Variants in C2CD3 observed in about 807,000 individuals in gnomAD.
The protein encoded by C2CD3 is C2 domain-containing protein 3.
C2CD3 carries 148 observed loss-of-function variants against 234.0 expected under a neutral mutation model. That is an observed-to-expected ratio of 0.63 (90% CI 0.55 to 0.72). C2CD3 has a LOEUF of 0.72. Among genes scored for constraint, C2CD3 ranks in the 30% least tolerant of loss-of-function variants. The pLI, the probability that C2CD3 is intolerant of heterozygous loss-of-function variation, is 0.00. For synonymous variants in C2CD3, 1,000 were observed against 1,035.4 expected (o/e 0.97, Z 0.66); for missense variants, 2,577 against 2,811.5 (o/e 0.92, Z 1.89).
intron 3 of C2CD3, among the ~76,000 whole-genome samples, chr11:74,149,059 T>C (rs1209584010): frequency 1.3e-5 from 2 of 152,330 alleles, no homozygotes; most frequent in Admixed American, 6.5e-5. Context: ...CTGATTCCTG[T>C]GGTATTTACC....
intron 30 of C2CD3, among the ~76,000 whole-genome samples, chr11:74,035,313 G>A (rs1047361765): frequency 1.3e-4 from 20 of 152,236 alleles, no homozygotes; most frequent in African/African-American, 4.3e-4. Context: ...CCTTTGGCCT[G>A]AACATGCTTT....
chr11:74,148,403 A>G (rs1855359140), intron 3 of C2CD3, among the ~76,000 whole-genome samples: 2 of 151,602 alleles, frequency 1.3e-5, no homozygotes, highest in Admixed American at 1.3e-4. Context: ...AATATCTTAT[A>G]TATGTATATA....
At chr11:74,108,462 C>T (rs1278769156) in intron 12 of C2CD3, among the ~76,000 whole-genome samples, 1 of 152,114 alleles carries the variant, frequency 6.6e-6, no homozygotes, top group Non-Finnish European at 1.5e-5. Flanking sequence ...TTACATTATG[C>T]CAGCTGCAAG....
intron 32 of C2CD3, among the ~76,000 whole-genome samples, chr11:74,026,580 GC>G (rs1242877563): frequency 1.3e-5 from 2 of 152,182 alleles, no homozygotes; most frequent in Middle Eastern, 3.2e-3. Context: ...CATGTTAACT[GC>G]TAAGTAAAAT....
chr11:74,028,172 A>G, intron 32 of C2CD3, 115 bp downstream of exon 32: 4 of 719,978 alleles, frequency 5.6e-6, no homozygotes, highest in Non-Finnish European at 9.1e-6. Context: ...TTGAGGAGTG[A>G]CCCCTGCTGC....
intron 7 of C2CD3, among the ~76,000 whole-genome samples, chr11:74,127,880 T>G (rs887985885): frequency 1.8e-4 from 27 of 152,150 alleles, no homozygotes; most frequent in African/African-American, 5.8e-4. Context: ...TTTTTTTTTT[T>G]GAGACGGAGT....
intron 8 of C2CD3, among the ~76,000 whole-genome samples, chr11:74,121,909 G>A (rs943099780): frequency 2.6e-5 from 4 of 152,150 alleles, no homozygotes; most frequent in African/African-American, 9.7e-5. Context: ...TTCCACTGCA[G>A]GTACTCTCAT....
intron 3 of C2CD3, among the ~76,000 whole-genome samples, chr11:74,144,129 A>C (rs1854997582): frequency 6.6e-6 from 1 of 152,204 alleles, no homozygotes; most frequent in Non-Finnish European, 1.5e-5. Flanking sequence ...AAGAGACATT[A>C]ATTTCAAAAC....
At chr11:74,036,338 T>C (rs1487846088) in intron 30 of C2CD3, 3 of 416,476 alleles carry the variant, frequency 7.2e-6, no homozygotes, top group African/African-American at 6.2e-5. Context: ...GCCTGTCATA[T>C]CCACCACTGT....
chr11:74,028,978 T>C (rs939015803), intron 31 of C2CD3, among the ~76,000 whole-genome samples: 20 of 152,340 alleles, frequency 1.3e-4, no homozygotes, highest in African/African-American at 3.8e-4. Flanking sequence ...GCCTATTTTC[T>C]CTGCTCACAT....
At chr11:74,098,302 T>C (rs201878521) in intron 15 of C2CD3, 47 bp from the exon 16 acceptor site, 4 of 1,566,110 alleles carry the variant, frequency 2.6e-6, no homozygotes, top group Non-Finnish European at 2.6e-6. Context: ...GCATCAATCA[T>C]GTCATAGAGT....
chr11:74,033,527 A>G lies in C2CD3; in HGVS notation c.6633T>C (p.Asn2211=), dbSNP rs924695145. Residue 2211 remains asparagine, a synonymous_variant, in exon 31 of 33, where the codon AAT becomes AAC. Transcript: ENST00000334126. ...KEPKSEAPAE[N]EAATSELGDS... The stretch of plus-strand genomic sequence containing the variant: ...CACCGAGCTCACTGGTGGCAGCTTC[A>G]TTCTCAGCTGGGGCCTCTGACTTGG... 4 of 1,536,048 alleles carry G rather than the reference A, an allele frequency of 2.6e-6. No homozygotes were observed. The highest frequency in any genetic ancestry group is 2.6e-6 in the Non-Finnish European group (3 of 1,146,926).
In C2CD3 at chr11:74,114,370, T is replaced by G. The variant is rs780976251; in HGVS notation, c.1730+14A>C. ...AAAAATGTCAAATTTAGCTTTCTCA[T>G]GTTAGAGACATACCGCTTTTTTGCT... On this transcript the variant is annotated intron_variant, in intron 10 of 32. Transcript: ENST00000334126. 3.1e-6 allele frequency: 5 copies of G among 1,599,022 alleles called. No individual in the cohort carries two copies. In the South Asian group the frequency reaches 4.4e-5, roughly 14 times the overall value.
intron 24 of C2CD3, among the ~76,000 whole-genome samples, chr11:74,069,949 A>T (rs898572819): frequency 6.6e-6 from 1 of 152,190 alleles, no homozygotes; most frequent in African/African-American, 2.4e-5. Context: ...ATTACAACCC[A>T]ATAAGATAAA....
intron 24 of C2CD3, among the ~76,000 whole-genome samples, chr11:74,059,279 T>C (rs922315839): frequency 4.6e-5 from 7 of 151,518 alleles, no homozygotes; most frequent in African/African-American, 1.7e-4. Context: ...GGCGTGGTGG[T>C]GGCTGCCTGT....
intron 16 of C2CD3, among the ~76,000 whole-genome samples, chr11:74,095,785 A>G (rs188898832): frequency 3.3e-5 from 5 of 152,356 alleles, no homozygotes; most frequent in African/African-American, 9.6e-5. Flanking sequence ...TAAATCGTAA[A>G]TTTAGAATAA....
chr11:74,100,722 G>C (rs371852954), intron 14 of C2CD3, 46 bp from the exon 15 acceptor site: 9 of 1,493,766 alleles, frequency 6.0e-6, no homozygotes, highest in Non-Finnish European at 7.3e-6. Flanking sequence ...TCATACCTGA[G>C]ACAAATATTA....
Position 74,090,823 on chromosome 11 carries a change from C to A in C2CD3, c.3631G>T (p.Ala1211Ser). 9.9e-6 allele frequency: 16 copies of A among 1,614,080 alleles called. No individual in the cohort carries two copies. Among genetic ancestry groups the A allele is most frequent in the Non-Finnish European group, 1.4e-5 (16 of 1,179,976 alleles). The stretch of plus-strand genomic sequence containing the variant: ...CTCAGGTGGACTTACTTGGCTGCTG[C>A]TTGCAGACCACAGGCTCTGATAATC... ...VQIIRACGLQ[A>S]AAKALAEREP... is the part of the protein sequence containing the mutation. The change falls in exon 20 of 33, where the codon GCA (alanine) becomes TCA (serine). Residue 1211 changes from alanine to serine, a missense_variant. Ala to Ser is a moderately conservative substitution (Grantham distance 99, BLOSUM62 1). Coordinates refer to ENST00000334126, the MANE Select transcript of C2CD3 (RefSeq NM_001286577.2).
At chr11:74,029,772 T>C (rs1591285721) in intron 31 of C2CD3, among the ~76,000 whole-genome samples, 1 of 152,354 alleles carries the variant, frequency 6.6e-6, no homozygotes, top group East Asian at 1.9e-4. Context: ...TTATGTTTTT[T>C]GAAACAGGGT....
Sources: gnomAD v4.1 joint callset for allele counts (sites outside exome capture counted in the v4.1 genomes callset) on GRCh38, gnomAD v4.1.1 for gene constraint, MANE v1.5 for transcripts, NCBI Gene and HGNC (gene_info 2026-07-23, HGNC 2026-07-21) for gene names.